The following PPM1L variants were observed in gnomAD, a reference collection of about 807,000 sequenced individuals.
PPM1L encodes protein phosphatase 1L.
PPM1L carries 13 observed loss-of-function variants against 31.4 expected under a neutral mutation model. The observed-to-expected ratio is 0.41, with a 90% CI of 0.27 to 0.66. The LOEUF is 0.66. Among genes scored for constraint, PPM1L ranks in the 30% least tolerant of loss-of-function variants. The pLI is 0.29. For synonymous variants in PPM1L, 184 were observed against 175.4 expected, an observed-to-expected ratio of 1.05 and a Z score of -0.39; for missense variants, 326 against 453.7, an observed-to-expected ratio of 0.72 and a Z score of 2.56.
chr3:160,910,728 G>C (rs1024917590), intron 1 of PPM1L, among the ~76,000 whole-genome samples: 1 of 152,032 alleles, frequency 6.6e-6, no homozygotes, highest in African/African-American at 2.4e-5. Flanking sequence ...GTCTTTAAAA[G>C]GTTTCCTAAC....
intron 1 of PPM1L, among the ~76,000 whole-genome samples, chr3:160,842,921 T>TA (rs1262534055): frequency 1.3e-5 from 2 of 152,158 alleles, no homozygotes; most frequent in African/African-American, 4.8e-5. Flanking sequence ...TGTATATGTA[T>TA]TTTTTTCTCT....
intron 1 of PPM1L, among the ~76,000 whole-genome samples, chr3:160,770,049 T>C (rs1715209999): frequency 1.3e-5 from 2 of 152,224 alleles, no homozygotes; most frequent in South Asian, 4.1e-4. Context: ...CTTTTCATTA[T>C]GTTTTCTCAT....
chr3:161,058,419 C>T lies in PPM1L; in HGVS notation c.575-6984C>T, dbSNP rs540168091. Among the ~76,000 whole-genome samples, 3 of 152,022 alleles carry T rather than the reference C, an allele frequency of 2.0e-5. No individual in the cohort carries two copies. The South Asian group carries it at 6.2e-4, about 32-fold the overall frequency. ...GGATTACAGGCATGAGCCACCACAC[C>T]CAGCCCATCATTTTCATTATTACTA... On this transcript the variant is annotated intron_variant, in intron 2 of 3. Coordinates refer to ENST00000498165, the MANE Select transcript of PPM1L (RefSeq NM_139245.4).
intron 1 of PPM1L, among the ~76,000 whole-genome samples, chr3:160,892,987 G>A (rs1284905077): frequency 6.6e-6 from 1 of 151,966 alleles, no homozygotes; most frequent in Non-Finnish European, 1.5e-5. Flanking sequence ...TTTCTTAATA[G>A]TTTTCAGTTG....
At chr3:160,912,188 C>T (rs1287835325) in intron 1 of PPM1L, among the ~76,000 whole-genome samples, 1 of 152,130 alleles carries the variant, frequency 6.6e-6, no homozygotes, top group African/African-American at 2.4e-5. Context: ...TCTGCAAGCT[C>T]CGTCCTGGGC....
In PPM1L at chr3:161,001,716, T is replaced by C. The variant is rs951344171; in HGVS notation, c.574+39806T>C. On this transcript the variant is annotated intron_variant, in intron 2 of 3. Transcript: ENST00000498165. ...ACTAGCTACCAGTGCCCTCACATTC[T>C]CTTTCTTCTCCATCCTATTAGGATT... 2.0e-5 allele frequency among the ~76,000 whole-genome samples: 3 copies of C among 152,166 alleles called. No homozygotes were observed. In the East Asian group the frequency reaches 5.8e-4, roughly 29 times the overall value.
chr3:160,962,787 CA>C (rs990460033), intron 2 of PPM1L, among the ~76,000 whole-genome samples: 4 of 151,866 alleles, frequency 2.6e-5, no homozygotes, highest in African/African-American at 9.7e-5. Flanking sequence ...GTTCAAATAG[CA>C]AACAGAAGAG....
At chr3:161,007,658 A>AT (rs1472174979) in intron 2 of PPM1L, among the ~76,000 whole-genome samples, 4 of 152,016 alleles carry the variant, frequency 2.6e-5, no homozygotes, top group Non-Finnish European at 5.9e-5. Flanking sequence ...TTTTATTTTT[A>AT]TTTTTTTAGC....
chr3:160,874,718 G>A (rs1022957721), intron 1 of PPM1L, among the ~76,000 whole-genome samples: 1 of 152,170 alleles, frequency 6.6e-6, no homozygotes, highest in African/African-American at 2.4e-5. Context: ...CCAAGGCAAG[G>A]CCCTAAAAGG....
At chr3:160,981,897 G>A (rs1393801066) in intron 2 of PPM1L, among the ~76,000 whole-genome samples, 1 of 151,904 alleles carries the variant, frequency 6.6e-6, no homozygotes, top group Non-Finnish European at 1.5e-5. Flanking sequence ...TGAGTAACTG[G>A]GATTACAGGT....
At chr3:160,887,572 A>AT (rs1712957413) in intron 1 of PPM1L, among the ~76,000 whole-genome samples, 1 of 42,220 alleles carries the variant, frequency 2.4e-5, no homozygotes, top group Non-Finnish European at 5.6e-5. Flanking sequence ...CTAATATTCA[A>AT]CTTTTTTTTT....
chr3:161,068,730 C>T, intron 3 of PPM1L, 81 bp from the exon 4 acceptor site: 1 of 1,174,468 alleles, frequency 8.5e-7, no homozygotes, highest in Non-Finnish European at 1.2e-6. Context: ...AGTAGGTCAC[C>T]CTGTTGCGCA....
chr3:160,833,088 AG>A (rs532271276), intron 1 of PPM1L, among the ~76,000 whole-genome samples: 181 of 152,340 alleles, frequency 1.2e-3, no homozygotes, highest in African/African-American at 3.8e-3. Context: ...GTCCCTGCAA[AG>A]GACATTATCT....
chr3:160,777,975 C>T (rs1326361992), intron 1 of PPM1L, among the ~76,000 whole-genome samples: 1 of 152,168 alleles, frequency 6.6e-6, no homozygotes, highest in African/African-American at 2.4e-5. Flanking sequence ...CCATTTTACA[C>T]TCCTGCCAAC....
chr3:160,777,726 G>A (rs1441016554), intron 1 of PPM1L, among the ~76,000 whole-genome samples: 2 of 152,116 alleles, frequency 1.3e-5, no homozygotes, highest in Non-Finnish European at 2.9e-5. Flanking sequence ...ATATTCCATT[G>A]TGTGTATATA....
At chr3:160,913,204 T>C (rs1046371222) in intron 1 of PPM1L, among the ~76,000 whole-genome samples, 2 of 152,100 alleles carry the variant, frequency 1.3e-5, no homozygotes, top group African/African-American at 4.8e-5. Context: ...GTTGGATTAA[T>C]GGGTTTTGAA....
At chr3:160,994,907 T>C (rs1188589501) in intron 2 of PPM1L, among the ~76,000 whole-genome samples, 2 of 152,012 alleles carry the variant, frequency 1.3e-5, no homozygotes, top group Non-Finnish European at 2.9e-5. Context: ...AGTGACCCTT[T>C]CCAAGATCTG....
intron 2 of PPM1L, among the ~76,000 whole-genome samples, chr3:160,980,455 T>C (rs543858917): frequency 6.6e-6 from 1 of 151,902 alleles, no homozygotes; most frequent in South Asian, 2.1e-4. Context: ...GGACGGGGGA[T>C]TGCTTGAGCT....
At chr3:160,795,150 T>G (rs895985882) in intron 1 of PPM1L, among the ~76,000 whole-genome samples, 5 of 152,140 alleles carry the variant, frequency 3.3e-5, no homozygotes, top group African/African-American at 7.2e-5. Context: ...CATAGCAGAT[T>G]GTATAATATA....
Sources: allele counts gnomAD v4.1 joint callset (sites outside exome capture counted in the v4.1 genomes callset), GRCh38; gene constraint gnomAD v4.1.1; transcripts MANE v1.5; gene names NCBI Gene and HGNC (gene_info 2026-07-23, HGNC 2026-07-21).